Variants in AGXT2 observed in about 807,000 individuals in gnomAD.
The protein encoded by AGXT2 is alanine--glyoxylate aminotransferase 2, mitochondrial.
AGXT2 carries 61 observed loss-of-function variants against 62.5 expected under a neutral mutation model. That is an observed-to-expected ratio of 0.98 (90% CI 0.79 to 1.21). The LOEUF (loss-of-function observed/expected upper bound fraction) is 1.21, where lower values mean the gene tolerates loss of function less well. Ranked by LOEUF, AGXT2 falls within the 50% of genes most tolerant of loss-of-function variation. The probability of loss-of-function intolerance (pLI) is 0.00; values close to 1 mark genes in which losing one functional copy is unlikely to be tolerated. For synonymous variants in AGXT2, 243 were observed against 218.7 expected (o/e 1.11, Z -0.98); for missense variants, 666 against 641.5 (o/e 1.04, Z -0.41).
At chr5:35,015,314 TAGTA>T (rs766138994) in intron 9 of AGXT2, among the ~76,000 whole-genome samples, 1 of 152,202 alleles carries the variant, frequency 6.6e-6, no homozygotes, top group Non-Finnish European at 1.5e-5. Context: ...AGTAGACACT[TAGTA>T]AGCACTTGTG....
At chr5:35,003,930 G>A in intron 12 of AGXT2, 69 bp from the exon 13 acceptor site, 1 of 1,494,566 alleles carries the variant, frequency 6.7e-7, no homozygotes, top group East Asian at 2.3e-5. Flanking sequence ...TTGCAAGAGA[G>A]GAAAAAAGAA....
chr5:35,041,105 A>C lies in AGXT2; in HGVS notation c.89-442T>G, dbSNP rs1178634320. Among the ~76,000 whole-genome samples, 4 of 151,600 alleles carry C rather than the reference A, an allele frequency of 2.6e-5. No homozygotes were observed. In the East Asian group the frequency reaches 5.8e-4, roughly 22 times the overall value. On this transcript the variant is annotated intron_variant, in intron 1 of 13. Coordinates refer to ENST00000231420, the MANE Select transcript of AGXT2 (RefSeq NM_031900.4). ...CTGGTACCTGGTTAGCTCTCAATAC[A>C]CACGGCATTAATGACTGTTGACTAT...
At position 35,039,505 on chromosome 5, in the gene AGXT2, G is replaced by A. The variant is rs1452751312; in HGVS notation, c.181C>T (p.Leu61Phe). 6.2e-7 allele frequency: 1 copy of A among 1,613,684 alleles called. No individual in the cohort carries two copies. Among genetic ancestry groups the A allele is most frequent in the Non-Finnish European group, 8.5e-7 (1 of 1,179,718 alleles). ...CDFMPERYQS[L>F]GYNRVLEIHK... Reference sequence around the variant, plus strand: ...ATTTCCAGGACACGGTTGTAGCCAAGGGACTGTAGATAAACAAGATTTAAA... The same window carrying A: ...ATTTCCAGGACACGGTTGTAGCCAAAGGACTGTAGATAAACAAGATTTAAA... Residue 61 changes from leucine to phenylalanine, a missense_variant, in exon 3 of 14, where the codon CTT (leucine) becomes TTT (phenylalanine). Physicochemically the swap from Leu to Phe is conservative, Grantham distance 22. Coordinates refer to ENST00000231420, the MANE Select transcript of AGXT2 (RefSeq NM_031900.4).
Position 35,035,222 on chromosome 5 carries a change from C to G in AGXT2, c.581G>C (p.Arg194Thr), listed in dbSNP as rs764045632. ...GTTGAATATTCCAAGTTGTGATTACCTGAAAGAAATGATGTCTATGTTGTT... is the reference window on the plus strand; with the variant it reads ...GTTGAATATTCCAAGTTGTGATTACGTGAAAGAAATGATGTCTATGTTGTT... Reference protein sequence around the residue: ...HSNNIDIISFRGAYHGCSPYT... With the variant: ...HSNNIDIISFTGAYHGCSPYT... Residue 194 changes from arginine (R) to threonine (T), a missense_variant and splice_region_variant, in exon 5 of 14, where the codon AGA (arginine) becomes ACA (threonine). By Grantham distance (71) the Arg-to-Thr change is moderately conservative (BLOSUM62 -1). Coordinates refer to ENST00000231420, the MANE Select transcript of AGXT2 (RefSeq NM_031900.4). The G allele has an allele frequency of 1.2e-6, 2 of 1,613,632 alleles. No homozygotes were observed. Among genetic ancestry groups the G allele is most frequent in the Non-Finnish European group, 1.7e-6 (2 of 1,179,684 alleles).
In AGXT2 at chr5:34,998,587, A is replaced by C; in HGVS notation, c.*132T>G. 1.4e-6 allele frequency: 1 copy of C among 734,060 alleles called. No homozygotes were observed. Among genetic ancestry groups the C allele is most frequent in the Non-Finnish European group, 2.4e-6 (1 of 423,980 alleles). 45.5% of individuals were successfully genotyped at this position (734,060 alleles called of 1,614,324 possible). A position where few individuals can be genotyped will look rare whatever the true frequency, so the allele number is the denominator to read the frequency against. ...AAATATGGTTGGTAGGCAGTCAACC[A>C]TGACTTTTACAGCTCCTGTGGAGAG... On this transcript the variant is annotated 3_prime_UTR_variant, in exon 14 of 14. Transcript: ENST00000231420.
At position 35,036,902 on chromosome 5, in the gene AGXT2, T is replaced by C. The variant is rs202148284; in HGVS notation, c.486+40A>G. ...GCTGGGAGCATCATACCTTTTTTTT[T>C]CCCCCATAACATTCACCTCCTGCAG... On this transcript the variant is annotated intron_variant, in intron 4 of 13. Coordinates refer to ENST00000231420, the MANE Select transcript of AGXT2 (RefSeq NM_031900.4). The C allele has an allele frequency of 9.0e-5, 145 of 1,612,640 alleles. 1 individual carries two copies. In the Middle Eastern group the frequency reaches 9.9e-4, roughly 11 times the overall value.
rs138792388 is a variant in AGXT2 at position 35,016,879 on chromosome 5, G to A, written c.964-2760C>T. Reference sequence around the variant, plus strand: ...GTCCACAAACTCAACTGTCTTTGGAGATGAGAAGCATATGTTAGGGACAGA... The same window carrying A: ...GTCCACAAACTCAACTGTCTTTGGAAATGAGAAGCATATGTTAGGGACAGA... On this transcript the variant is annotated intron_variant, in intron 9 of 13. Coordinates refer to ENST00000231420, the MANE Select transcript of AGXT2 (RefSeq NM_031900.4). Among the ~76,000 whole-genome samples the A allele has an allele frequency of 2.6e-5, 4 of 152,318 alleles. No homozygotes were observed. The East Asian group carries it at 7.7e-4, about 29-fold the overall frequency.
chr5:35,001,688 T>A (rs765747444), intron 13 of AGXT2, among the ~76,000 whole-genome samples: 46 of 152,202 alleles, frequency 3.0e-4, no homozygotes, highest in Non-Finnish European at 5.3e-4. Context: ...ACCAGCCACA[T>A]CTGTGTGGTG....
intron 11 of AGXT2, 52 bp downstream of exon 11, chr5:35,012,902 T>G: frequency 6.7e-7 from 1 of 1,495,950 alleles, no homozygotes; most frequent in East Asian, 2.5e-5. Context: ...TGTGTGGTTT[T>G]GAAAGAGTCA....
At position 35,013,012 on chromosome 5, in the gene AGXT2, T is replaced by G. The variant is rs142665211; in HGVS notation, c.1130A>C (p.His377Pro). Residue 377 changes from histidine to proline, a missense_variant, in exon 11 of 14, where the codon CAC becomes CCC. By Grantham distance (77) the His-to-Pro change is moderately conservative. Transcript: ENST00000231420. ...IAKSLAKCLQ[H>P]FNTFGGNPMA... The stretch of plus-strand genomic sequence containing the variant: ...GGGGTTCCCTCCAAAGGTGTTGAAG[T>G]GCTGCAGGCATTTCGCCAAAGATTT... 7.7e-6 allele frequency: 12 copies of G among 1,551,606 alleles called. No individual in the cohort carries two copies. The African/African-American group carries it at 1.4e-4, about 18-fold the overall frequency.
Position 35,035,307 on chromosome 5 carries a change from A to G in AGXT2, c.496T>C (p.Leu166=). 1.2e-6 allele frequency: 2 copies of G among 1,613,952 alleles called. No individual in the cohort carries two copies. Among genetic ancestry groups the G allele is most frequent in the Non-Finnish European group, 1.7e-6 (2 of 1,179,910 alleles). ...TTGGCTTCTGAGCCACTGTTCACCAAGAAAATGACCTGGAGAGGAAAGGAA... is the reference window on the plus strand; with the variant it reads ...TTGGCTTCTGAGCCACTGTTCACCAGGAAAATGACCTGGAGAGGAAAGGAA... ...LLPEPLKVIF[L]VNSGSEANEL... is the part of the protein sequence containing the mutation. The change falls in exon 5 of 14, where the codon TTG becomes CTG. Residue 166 remains leucine (L), a synonymous_variant. Coordinates refer to ENST00000231420, the MANE Select transcript of AGXT2 (RefSeq NM_031900.4).
chr5:35,030,479 G>A (rs1767523986), intron 7 of AGXT2, among the ~76,000 whole-genome samples: 2 of 151,566 alleles, frequency 1.3e-5, no homozygotes, highest in African/African-American at 4.8e-5. Context: ...TTGCACTCCA[G>A]TCTGGGGGAC....
rs752369697 is a variant in AGXT2, at chr5:35,003,870, A to T, written c.1339-9T>A. ...AGAGGCCGACAGCTTATCTGTAAAT[A>T]TATTTTTAAAATTCTTTCTATTTGG... On this transcript the variant is annotated splice_polypyrimidine_tract_variant and intron_variant, in intron 12 of 13. Coordinates refer to ENST00000231420, the MANE Select transcript of AGXT2 (RefSeq NM_031900.4). 9 of 1,612,128 alleles carry T rather than the reference A, an allele frequency of 5.6e-6. No individual in the cohort carries two copies. The South Asian group carries it at 9.9e-5, about 18-fold the overall frequency.
chr5:35,047,672 T>A, intron 1 of AGXT2, 133 bp downstream of exon 1: 1 of 1,180,802 alleles, frequency 8.5e-7, no homozygotes, highest in Non-Finnish European at 1.2e-6. Flanking sequence ...AACCTGTGTG[T>A]CAAAAACATG....
intron 13 of AGXT2, among the ~76,000 whole-genome samples, chr5:35,003,319 G>T (rs983600609): frequency 1.3e-5 from 2 of 152,204 alleles, no homozygotes; most frequent in East Asian, 3.9e-4. Flanking sequence ...AGCCACAGAG[G>T]CCACTAAGGC....
chr5:35,041,742 T>TG (rs1445098265), intron 1 of AGXT2, among the ~76,000 whole-genome samples: 1 of 152,226 alleles, frequency 6.6e-6, no homozygotes, highest in African/African-American at 2.4e-5. Flanking sequence ...TGTGTGGCTA[T>TG]GAAGTCACAG....
intron 13 of AGXT2, among the ~76,000 whole-genome samples, chr5:35,002,728 T>G (rs1291400935): frequency 6.6e-6 from 1 of 151,982 alleles, no homozygotes; most frequent in Non-Finnish European, 1.5e-5. Flanking sequence ...GAAATGAACT[T>G]CTATGATGTA....
chr5:35,004,123 G>C (rs1485654451), intron 12 of AGXT2, among the ~76,000 whole-genome samples: 1 of 152,182 alleles, frequency 6.6e-6, no homozygotes, highest in Non-Finnish European at 1.5e-5. Flanking sequence ...ATGAAGTTCT[G>C]TGCGGATAGC....
chr5:35,033,508 G>GTT lies in AGXT2; in HGVS notation c.625_626dup (p.Asn209LysfsTer3). On this transcript the variant is annotated frameshift_variant, in exon 6 of 14. Transcript: ENST00000231420. LOFTEE classifies it high-confidence loss of function. ...GGAGTTCCATCTTGTAGGTCCCTAC[G>GTT]TTTGTCAAGCCAAGTGTGTAAGGAC... 2 of 1,613,820 alleles carry GTT rather than the reference G, an allele frequency of 1.2e-6. No homozygotes were observed. Among genetic ancestry groups the GTT allele is most frequent in the Non-Finnish European group, 1.7e-6 (2 of 1,179,730 alleles).
Sources: allele counts gnomAD v4.1 joint callset (sites outside exome capture counted in the v4.1 genomes callset), GRCh38; gene constraint gnomAD v4.1.1; transcripts MANE v1.5; gene names NCBI Gene and HGNC (gene_info 2026-07-23, HGNC 2026-07-21).